MARCHF5: variants seen among roughly 807,000 people sequenced by gnomAD.
The protein encoded by MARCHF5 is membrane associated ring-CH-type finger 5.
A neutral mutation model predicts 36.5 loss-of-function variants in MARCHF5; 5 were observed. That is an observed-to-expected ratio of 0.14 (90% CI 0.07 to 0.29). The LOEUF is 0.29. MARCHF5 is among the 10% of genes least tolerant of loss of function. MARCHF5 has a pLI of 1.00. For synonymous variants in MARCHF5, 103 were observed against 109.9 expected (o/e 0.94, Z 0.39); for missense variants, 179 against 336.3 (o/e 0.53, Z 3.66).
At chr10:92,340,917 C>T in intron 3 of MARCHF5, 114 bp downstream of exon 3, 2 of 963,570 alleles carry the variant, frequency 2.1e-6, no homozygotes, top group Non-Finnish European at 2.9e-6. Flanking sequence ...TTCTCATGTT[C>T]TTTCTAAATG....
intron 2 of MARCHF5, among the ~76,000 whole-genome samples, chr10:92,330,032 G>A (rs919753345): frequency 5.9e-5 from 9 of 152,064 alleles, no homozygotes; most frequent in Admixed American, 2.6e-4. Flanking sequence ...TATTAGAGAC[G>A]GGGTTTCACC....
At chr10:92,302,611 A>C (rs1843029999) in intron 1 of MARCHF5, among the ~76,000 whole-genome samples, 1 of 151,798 alleles carries the variant, frequency 6.6e-6, no homozygotes, top group Non-Finnish European at 1.5e-5. Context: ...CACCCGGCTA[A>C]TTTTGTATTT....
intron 1 of MARCHF5, among the ~76,000 whole-genome samples, chr10:92,293,742 A>T (rs762918781): frequency 5.3e-5 from 8 of 152,028 alleles, no homozygotes; most frequent in Admixed American, 2.0e-4. Context: ...AGATCGCACC[A>T]TTGTACTCCA....
At chr10:92,293,914 T>C (rs1189517251) in intron 1 of MARCHF5, among the ~76,000 whole-genome samples, 1 of 152,216 alleles carries the variant, frequency 6.6e-6, no homozygotes, top group Non-Finnish European at 1.5e-5. Context: ...TTGTACTCTT[T>C]TGACATACCT....
At chr10:92,333,350 C>T (rs1229962791) in intron 2 of MARCHF5, among the ~76,000 whole-genome samples, 1 of 151,928 alleles carries the variant, frequency 6.6e-6, no homozygotes, top group Admixed American at 6.6e-5. Flanking sequence ...GGCCAAAGTG[C>T]CCCATACTGC....
At chr10:92,305,718 T>A (rs1443374022) in intron 1 of MARCHF5, among the ~76,000 whole-genome samples, 1 of 152,220 alleles carries the variant, frequency 6.6e-6, no homozygotes, top group African/African-American at 2.4e-5. Flanking sequence ...AATTACAACT[T>A]CCTTTTTCCT....
chr10:92,298,065 G>T (rs1842968769), intron 1 of MARCHF5, among the ~76,000 whole-genome samples: 1 of 152,160 alleles, frequency 6.6e-6, no homozygotes, highest in Non-Finnish European at 1.5e-5. Context: ...GGGCATAGTG[G>T]CACATACCTG....
chr10:92,332,797 G>C (rs1843452483), intron 2 of MARCHF5, among the ~76,000 whole-genome samples: 1 of 151,524 alleles, frequency 6.6e-6, no homozygotes, highest in African/African-American at 2.4e-5. Flanking sequence ...GGGATTACAG[G>C]TGTGAGCCAC....
chr10:92,320,646 A>G (rs1335018056), intron 2 of MARCHF5, among the ~76,000 whole-genome samples: 1 of 145,348 alleles, frequency 6.9e-6, no homozygotes, highest in Non-Finnish European at 1.5e-5. Flanking sequence ...TAAATTTTAA[A>G]AATAGAAAAA....
At position 92,352,254 on chromosome 10, in the gene MARCHF5, G is replaced by A. The variant is rs886746077; in HGVS notation, c.*1047G>A. ...AAACCAGCAGTGAATAAACCAAGGT[G>A]AGGCCTTGAGCTCTTTGTTTTTATA... is the stretch of plus-strand genomic sequence containing the variant. On this transcript the variant is annotated 3_prime_UTR_variant, in exon 6 of 6. Transcript: ENST00000358935. The A allele has an allele frequency of 2.4e-4, 37 of 152,516 alleles. No individual in the cohort carries two copies. The highest frequency in any genetic ancestry group is 8.4e-4 in the African/African-American group (35 of 41,538). 9.4% of individuals were successfully genotyped at this position (152,516 alleles called of 1,614,324 possible). A position where few individuals can be genotyped will look rare whatever the true frequency, so the allele number is the denominator to read the frequency against.
intron 1 of MARCHF5, among the ~76,000 whole-genome samples, chr10:92,309,454 T>TAA (rs1347982084): frequency 6.6e-6 from 1 of 152,212 alleles, no homozygotes; most frequent in African/African-American, 2.4e-5. Context: ...TTCACCATAA[T>TAA]ACTGATTAAT....
At chr10:92,328,650 A>G (rs766272711) in intron 2 of MARCHF5, among the ~76,000 whole-genome samples, 5 of 151,488 alleles carry the variant, frequency 3.3e-5, no homozygotes, top group Non-Finnish European at 5.9e-5. Flanking sequence ...GTAGAGTTAT[A>G]TTAGACATTT....
intron 2 of MARCHF5, among the ~76,000 whole-genome samples, chr10:92,337,439 A>G (rs1420870217): frequency 1.3e-5 from 2 of 152,058 alleles, no homozygotes; most frequent in African/African-American, 4.8e-5. Flanking sequence ...GCTTGAACCC[A>G]GGAGGCAAGA....
intron 2 of MARCHF5, among the ~76,000 whole-genome samples, chr10:92,326,786 T>G (rs1424720838): frequency 6.6e-6 from 1 of 151,634 alleles, no homozygotes; most frequent in Non-Finnish European, 1.5e-5. Flanking sequence ...ATAAGCAGTT[T>G]TTTTTTTTTT....
At chr10:92,318,856 A>G (rs1455107433) in intron 2 of MARCHF5, among the ~76,000 whole-genome samples, 1 of 151,682 alleles carries the variant, frequency 6.6e-6, no homozygotes, top group Non-Finnish European at 1.5e-5. Context: ...ACAGGCACCC[A>G]CCACCAAGCC....
intron 1 of MARCHF5, among the ~76,000 whole-genome samples, chr10:92,306,990 GGTGGCAGAGTGA>G (rs1427297933): frequency 6.6e-6 from 1 of 152,140 alleles, no homozygotes; most frequent in Non-Finnish European, 1.5e-5. Flanking sequence ...CTCCAGCCTA[GGTGGCAGAGTGA>G]GACTCAGTCT....
intron 2 of MARCHF5, among the ~76,000 whole-genome samples, chr10:92,333,791 C>T (rs1843468138): frequency 6.6e-6 from 1 of 152,090 alleles, no homozygotes. Context: ...AGCAAAAAGA[C>T]TTGGAGCAAG....
At chr10:92,314,417 G>A (rs1027507782) in intron 2 of MARCHF5, among the ~76,000 whole-genome samples, 4 of 152,142 alleles carry the variant, frequency 2.6e-5, no homozygotes, top group Admixed American at 1.3e-4. Context: ...CAAGGCAGGC[G>A]GATCACCTGA....
At chr10:92,308,398 C>T (rs1171926561) in intron 1 of MARCHF5, 2 of 152,190 alleles carry the variant, frequency 1.3e-5, no homozygotes, top group African/African-American at 4.8e-5. Context: ...TTACTGCAAC[C>T]TGTTTTATCA....
Sources: gnomAD v4.1 joint callset for allele counts (sites outside exome capture counted in the v4.1 genomes callset) on GRCh38, gnomAD v4.1.1 for gene constraint, MANE v1.5 for transcripts, NCBI Gene and HGNC (gene_info 2026-07-23, HGNC 2026-07-21) for gene names.